Variants in AGBL5 observed in about 807,000 individuals in gnomAD.
AGBL5 encodes the protein AGBL carboxypeptidase 5.
Under a neutral mutation model 88.0 loss-of-function variants are expected in AGBL5, and 51 were observed. The observed-to-expected ratio is 0.58, with a 90% confidence interval of 0.46 to 0.73. AGBL5 has a LOEUF of 0.73. Ranked by LOEUF, AGBL5 falls within the 30% of genes least tolerant of loss-of-function variation. The pLI, the probability that AGBL5 is intolerant of heterozygous loss-of-function variation, is 0.00. For synonymous variants in AGBL5, 446 were observed against 438.8 expected (o/e 1.02, Z -0.21); for missense variants, 1,031 against 1,162.2 (o/e 0.89, Z 1.64).
chr2:27,054,161 G>A (rs746100372), intron 4 of AGBL5, 102 bp downstream of exon 4: 286 of 1,387,786 alleles, frequency 2.1e-4, no homozygotes, highest in Non-Finnish European at 2.3e-4. Context: ...ACTTTCATCC[G>A]TCTTTTTTCT....
At position 27,056,769 on chromosome 2, in the gene AGBL5, C is replaced by T; in HGVS notation, c.1512C>T (p.Tyr504=). The T allele has an allele frequency of 8.1e-6, 13 of 1,612,226 alleles. No individual in the cohort carries two copies. Among genetic ancestry groups the T allele is most frequent in the Non-Finnish European group, 1.1e-5 (13 of 1,178,790 alleles). ...SKEGSGRVAI[Y]KASGIIHSYT... ...AGGGAAGCGGCCGTGTTGCAATCTACAAAGCCTCAGGGATAATCCACAGGT... is the reference window on the plus strand; with the variant it reads ...AGGGAAGCGGCCGTGTTGCAATCTATAAAGCCTCAGGGATAATCCACAGGT... Residue 504 remains tyrosine, a synonymous_variant, in exon 8 of 15, where the codon TAC becomes TAT. Transcript: ENST00000360131.
At position 27,067,801 on chromosome 2, in the gene AGBL5, A is replaced by G. The variant is rs144585140; in HGVS notation, c.2242+155A>G. On this transcript the variant is annotated intron_variant, in intron 12 of 14. Coordinates refer to ENST00000360131, the MANE Select transcript of AGBL5 (RefSeq NM_021831.6). Reference sequence around the variant, plus strand: ...GCCTTTGTATAGGAAGCTGGAATTTATTAATGTGTCTGTGTAATAAAACAA... The same window carrying G: ...GCCTTTGTATAGGAAGCTGGAATTTGTTAATGTGTCTGTGTAATAAAACAA... 1.6e-4 allele frequency: 135 copies of G among 828,498 alleles called. No individual in the cohort carries two copies. The East Asian group carries it at 3.4e-3, about 21-fold the overall frequency. 51.3% of individuals were successfully genotyped at this position (828,498 alleles called of 1,614,324 possible).
Position 27,070,110 on chromosome 2 carries a change from C to G in AGBL5, c.2508C>G (p.Pro836=), listed in dbSNP as rs1669207810. The G allele has an allele frequency of 6.2e-7, 1 of 1,613,590 alleles. No individual in the cohort carries two copies. Among genetic ancestry groups the G allele is most frequent in the Non-Finnish European group, 8.5e-7 (1 of 1,179,558 alleles). ...GTTGCAGGCTGCCTCAGGCCAGGCC[C>G]CCACGGCCCCGCTCTGCCCCTGCCT... ...SATPGLPQAR[P]PRPRSAPAFS... The change falls in exon 15 of 15, where the codon CCC becomes CCG. Residue 836 remains proline (P), a synonymous_variant. Transcript: ENST00000360131.
At chr2:27,068,474 T>C (rs931089625) in intron 12 of AGBL5, among the ~76,000 whole-genome samples, 158 bp from the exon 13 acceptor site, 9 of 152,132 alleles carry the variant, frequency 5.9e-5, no homozygotes, top group African/African-American at 2.2e-4. Context: ...AGGCTAGGGA[T>C]GCTGCGAAAC....
At chr2:27,067,039 C>T (rs1558424468) in intron 11 of AGBL5, among the ~76,000 whole-genome samples, 1 of 151,622 alleles carries the variant, frequency 6.6e-6, no homozygotes, top group Admixed American at 6.6e-5. Flanking sequence ...ACCAAGATCG[C>T]ACCACCACAC....
chr2:27,058,564 CAAG>C lies in AGBL5; in HGVS notation c.1841_1843del (p.Lys614del). On this transcript the variant is annotated inframe_deletion, in exon 10 of 15. Coordinates refer to ENST00000360131, the MANE Select transcript of AGBL5 (RefSeq NM_021831.6). The stretch of plus-strand genomic sequence containing the variant: ...GCAGCACTCTGAATGTGGGTGTCAA[CAAG>C]AAGAGGGGCCTTCGAACTCCACCCA... 6.2e-7 allele frequency: 1 copy of C among 1,614,108 alleles called. No homozygotes were observed. Among genetic ancestry groups the C allele is most frequent in the Admixed American group, 1.7e-5 (1 of 60,014 alleles).
In AGBL5 at chr2:27,059,607, G is replaced by C. The variant is rs190763523; in HGVS notation, c.2089+203G>C. 3.9e-5 allele frequency: 48 copies of C among 1,233,454 alleles called. 1 individual carries two copies. In the Admixed American group the frequency reaches 7.9e-4, roughly 20 times the overall value. The allele number at this position is 1,233,454 out of a possible 1,614,324, so 76.4% of individuals were successfully genotyped here. A position where few individuals can be genotyped will look rare whatever the true frequency, so the allele number is the denominator to read the frequency against. ...AGAGCGGTATTGTGTGTGGCCAGAG[G>C]GGGAAGTCTGGGTATCTGGGCTTCA... On this transcript the variant is annotated intron_variant, in intron 11 of 14. Coordinates refer to ENST00000360131, the MANE Select transcript of AGBL5 (RefSeq NM_021831.6).
In AGBL5 at chr2:27,053,058, G is replaced by A. The variant is rs1490863160; in HGVS notation, c.100G>A (p.Gly34Arg). The change falls in exon 2 of 15, where the codon GGG (glycine) becomes AGG (arginine). Residue 34 changes from glycine to arginine, a missense_variant. Gly to Arg is a moderately radical substitution (Grantham distance 125, BLOSUM62 -2). Transcript: ENST00000360131. This position sits in a 1 kb window ranked among gnomAD's most constrained non-coding sequence, Gnocchi z 4.9. ...GGAATCTTTGTCCAGTGATGGGGAA[G>A]GGGTAGGAGGTGGGGCGTCAGCCCT... ...KVESLSSDGE[G>R]VGGGASALTS... 1 of 1,613,720 alleles carries A rather than the reference G, an allele frequency of 6.2e-7. No individual in the cohort carries two copies. The highest frequency in any genetic ancestry group is 8.5e-7 in the Non-Finnish European group (1 of 1,179,898).
In AGBL5 at chr2:27,059,328, C is replaced by A. The variant is rs1342695200; in HGVS notation, c.2013C>A (p.Gly671=). Reference sequence around the variant, plus strand: ...ATTCCCCCAGCTTTCCTTTTCATGGCAGTCGGCCTGCAGGGCTGCCAGGCC... The same window carrying A: ...ATTCCCCCAGCTTTCCTTTTCATGGAAGTCGGCCTGCAGGGCTGCCAGGCC... ...MKNSPSFPFH[G]SRPAGLPGLG... The change falls in exon 11 of 15, where the codon GGC becomes GGA. Residue 671 remains glycine, a synonymous_variant. Coordinates refer to ENST00000360131, the MANE Select transcript of AGBL5 (RefSeq NM_021831.6). 4 of 1,614,118 alleles carry A rather than the reference C, an allele frequency of 2.5e-6. No homozygotes were observed. Among genetic ancestry groups the A allele is most frequent in the Non-Finnish European group, 3.4e-6 (4 of 1,180,044 alleles).
upstream of AGBL5, among the ~76,000 whole-genome samples, chr2:27,050,828 C>CT (rs1409496966): frequency 3.3e-5 from 5 of 152,182 alleles, no homozygotes; most frequent in Admixed American, 1.3e-4. Flanking sequence ...GTGGATAGGG[C>CT]GTGGCAATCC....
At position 27,055,673 on chromosome 2, in the gene AGBL5, T is replaced by C; in HGVS notation, c.909-9T>C. The stretch of plus-strand genomic sequence containing the variant: ...TCTAGAACCTGCTTCAGTCCTTGTT[T>C]TCCTACAGCACAGACTCACGTGGAG... On this transcript the variant is annotated splice_polypyrimidine_tract_variant and intron_variant, in intron 6 of 14. Transcript: ENST00000360131. The C allele has an allele frequency of 6.2e-7, 1 of 1,606,466 alleles. No homozygotes were observed. Among genetic ancestry groups the C allele is most frequent in the Non-Finnish European group, 8.5e-7 (1 of 1,174,492 alleles).
rs1276590050 is a variant in AGBL5, at chr2:27,070,171, T to C, written c.2569T>C (p.Ser857Pro). ...PISCSLSDSPSWNCYSRGPLG... is the reference protein window; with the variant it reads ...PISCSLSDSPPWNCYSRGPLG... Reference sequence around the variant, plus strand: ...ATCCTGTAGTCTATCTGACTCCCCATCCTGGAATTGTTACAGCAGGGGTCC... The same window carrying C: ...ATCCTGTAGTCTATCTGACTCCCCACCCTGGAATTGTTACAGCAGGGGTCC... Residue 857 changes from serine to proline, a missense_variant, in exon 15 of 15, where the codon TCC (serine) becomes CCC (proline). Ser to Pro is a moderately conservative substitution (Grantham distance 74). Transcript: ENST00000360131. The C allele has an allele frequency of 1.9e-6, 3 of 1,614,230 alleles. No individual in the cohort carries two copies. Among genetic ancestry groups the C allele is most frequent in the Admixed American group, 1.7e-5 (1 of 60,022 alleles).
In AGBL5 at chr2:27,059,364, T is replaced by C; in HGVS notation, c.2049T>C (p.Ser683=). 8 of 1,614,234 alleles carry C rather than the reference T, an allele frequency of 5.0e-6. No individual in the cohort carries two copies. The highest frequency in any genetic ancestry group is 6.8e-6 in the Non-Finnish European group (8 of 1,180,046). Residue 683 remains serine, a synonymous_variant, in exon 11 of 15, where the codon AGT becomes AGC. Transcript: ENST00000360131. The stretch of plus-strand genomic sequence containing the variant: ...CAGGGCTGCCAGGCCTGGGCTCTAG[T>C]ACCCAAAAGGTCACCCACCGGGTGC... The part of the protein sequence containing the change: ...RPAGLPGLGS[S]TQKVTHRVLG...
rs369444845 is a variant in AGBL5, at chr2:27,059,317, C to G, written c.2002C>G (p.Pro668Ala). 6.2e-7 allele frequency: 1 copy of G among 1,614,124 alleles called. No individual in the cohort carries two copies. Among genetic ancestry groups the G allele is most frequent in the African/African-American group, 1.3e-5 (1 of 74,942 alleles). ...SPQMKNSPSF[P>A]FHGSRPAGLP... ...ACAGATGAAGAATTCCCCCAGCTTT[C>G]CTTTTCATGGCAGTCGGCCTGCAGG... Residue 668 changes from proline to alanine, a missense_variant, in exon 11 of 15, where the codon CCT becomes GCT. Around this residue, in one of 2 missense-constraint regions of AGBL5, gnomAD observed 491 missense variants for 484.0 expected, o/e 1.01. Coordinates refer to ENST00000360131, the MANE Select transcript of AGBL5 (RefSeq NM_021831.6).
At position 27,070,370 on chromosome 2, in the gene AGBL5, C is replaced by T; in HGVS notation, c.*107C>T. On this transcript the variant is annotated 3_prime_UTR_variant, in exon 15 of 15. Coordinates refer to ENST00000360131, the MANE Select transcript of AGBL5 (RefSeq NM_021831.6). Reference sequence around the variant, plus strand: ...TGATTCCATGTGACAGCCGTTAAGTCCTTGGAATGCCAGCCACGCTGTCCA... The same window carrying T: ...TGATTCCATGTGACAGCCGTTAAGTTCTTGGAATGCCAGCCACGCTGTCCA... 2 of 1,193,212 alleles carry T rather than the reference C, an allele frequency of 1.7e-6. No homozygotes were observed. The highest frequency in any genetic ancestry group is 2.4e-6 in the Non-Finnish European group (2 of 822,762). 73.9% of individuals were successfully genotyped at this position (1,193,212 alleles called of 1,614,324 possible). A position where few individuals can be genotyped will look rare whatever the true frequency, so the allele number is the denominator to read the frequency against.
At chr2:27,051,349 C>G (rs911648369), upstream of AGBL5, 1 of 152,208 alleles carries the variant, frequency 6.6e-6, no homozygotes, top group Non-Finnish European at 1.5e-5. Flanking sequence ...GCGCAGTGGG[C>G]TACGTGTTTC....
chr2:27,056,148 C>G lies in AGBL5; in HGVS notation c.1365+10C>G, dbSNP rs751076244. ...TGATGAGAGCACCCAGGTGGGAATC[C>G]TAAGAATGTCATGTGAGTGTGAGAA... On this transcript the variant is annotated intron_variant, in intron 7 of 14. Coordinates refer to ENST00000360131, the MANE Select transcript of AGBL5 (RefSeq NM_021831.6). The G allele has an allele frequency of 2.5e-6, 4 of 1,604,664 alleles. No homozygotes were observed. The highest frequency in any genetic ancestry group is 3.4e-6 in the Non-Finnish European group (4 of 1,173,910).
intron 14 of AGBL5, 187 bp downstream of exon 14, chr2:27,069,893 A>G: frequency 1.0e-6 from 1 of 985,480 alleles, no homozygotes; most frequent in Non-Finnish European, 1.2e-6. Context: ...ATCCAAAGCA[A>G]AAGAAAACAA....
chr2:27,056,334 C>G, intron 7 of AGBL5, 196 bp downstream of exon 7: 4 of 636,636 alleles, frequency 6.3e-6, no homozygotes, highest in Middle Eastern at 3.1e-4. Flanking sequence ...ACATCATGAC[C>G]TTTTATTAAG....
Sources: gnomAD v4.1 joint callset for allele counts (sites outside exome capture counted in the v4.1 genomes callset) on GRCh38, gnomAD v4.1.1 for gene constraint, gnomAD v4.1.1 regional missense constraint, Gnocchi (gnomAD v3.1) non-coding constraint, MANE v1.5 for transcripts, NCBI Gene and HGNC (gene_info 2026-07-23, HGNC 2026-07-21) for gene names.